WDR97: variants seen among roughly 807,000 people sequenced by gnomAD.
WDR97 encodes WD repeat domain 97, also known as WD repeat-containing protein 97.
Under a neutral mutation model 65.4 loss-of-function variants are expected in WDR97, and 111 were observed. That is an observed-to-expected ratio of 1.70 (90% confidence interval 1.45 to 1.99). WDR97 has a LOEUF of 1.99. Among genes scored for constraint, WDR97 ranks in the 30% most tolerant of loss-of-function variants. The pLI, the probability that WDR97 is intolerant of heterozygous loss-of-function variation, is 0.00. For missense variants in WDR97, 1,674 were observed against 865.0 expected (o/e 1.94, Z -11.73); for synonymous variants, 802 against 397.7 (o/e 2.02, Z -12.10).
chr8:144,114,124 A>G lies in WDR97; in HGVS notation c.3556A>G (p.Thr1186Ala), dbSNP rs1390164612. Residue 1186 changes from threonine (T) to alanine (A), a missense_variant, in exon 18 of 24, where the codon ACC becomes GCC. Physicochemically the swap from Thr to Ala is moderately conservative, Grantham distance 58 (BLOSUM62 0). Coordinates refer to ENST00000323662, the MANE Select transcript of WDR97 (RefSeq NM_001316309.2). ...PKFLHFFIYQ[T>A]WFKKLFPIFS... Reference sequence around the variant, plus strand: ...GTTTCTGCATTTCTTCATCTACCAGACCTGGTTCAAAAAGTTGTTCCCCAT... The same window carrying G: ...GTTTCTGCATTTCTTCATCTACCAGGCCTGGTTCAAAAAGTTGTTCCCCAT... 3 of 702,678 alleles carry G rather than the reference A, an allele frequency of 4.3e-6. No homozygotes were observed. The highest frequency in any genetic ancestry group is 7.8e-6 in the Non-Finnish European group (3 of 384,984). The allele number at this position is 702,678 out of a possible 1,614,324, so 43.5% of individuals were successfully genotyped here.
rs758168843 is a variant in WDR97 at position 144,109,350 on chromosome 8, T to A, written c.1016T>A (p.Met339Lys). 3 of 702,588 alleles carry A rather than the reference T, an allele frequency of 4.3e-6. No individual in the cohort carries two copies. Among genetic ancestry groups the A allele is most frequent in the Non-Finnish European group, 5.2e-6 (2 of 384,856 alleles). The allele number at this position is 702,588 out of a possible 1,614,324, so 43.5% of individuals were successfully genotyped here. ...FVGHTGPVTA[M>K]TVLPNTTLVL... ...CCTCCCACAGGCCCGGTGACGGCTA[T>A]GACTGTGCTCCCGAACACGACCCTG... Residue 339 changes from methionine (M) to lysine (K), a missense_variant, in exon 5 of 24, where the codon ATG becomes AAG. Coordinates refer to ENST00000323662, the MANE Select transcript of WDR97 (RefSeq NM_001316309.2).
At chr8:144,113,213 C>G (rs958478603) in intron 15 of WDR97, 4 of 568,240 alleles carry the variant, frequency 7.0e-6, no homozygotes, top group Non-Finnish European at 1.2e-5. Flanking sequence ...TTTCCCTTCT[C>G]GTTTGTCAGA....
intron 15 of WDR97, 47 bp from the exon 16 acceptor site, chr8:144,113,393 G>T (rs759531588): frequency 1.8e-6 from 1 of 559,550 alleles, no homozygotes; most frequent in Non-Finnish European, 3.2e-6. Context: ...TGGTGTCCAG[G>T]CTGGGGAATC....
rs2130082168 is a variant in WDR97 at position 144,111,968 on chromosome 8, G to A, written c.2719G>A (p.Val907Ile). ...VERETRDVCA[V>I]PQAAHCLARA... ...GAGAGAGACCCGGGATGTGTGTGCT[G>A]TACCCCAAGCTGCCCACTGTCTTGC... Residue 907 changes from valine to isoleucine, a missense_variant, in exon 13 of 24, where the codon GTA becomes ATA. Coordinates refer to ENST00000323662, the MANE Select transcript of WDR97 (RefSeq NM_001316309.2). 1.4e-6 allele frequency: 1 copy of A among 702,544 alleles called. No individual in the cohort carries two copies. The highest frequency in any genetic ancestry group is 1.7e-5 in the African/African-American group (1 of 57,328). 43.5% of individuals were successfully genotyped at this position (702,544 alleles called of 1,614,324 possible).
chr8:144,111,742 T>A lies in WDR97; in HGVS notation c.2598T>A (p.Phe866Leu), dbSNP rs1294196680. The A allele has an allele frequency of 1.4e-6, 1 of 692,898 alleles. No homozygotes were observed. 42.9% of individuals were successfully genotyped at this position (692,898 alleles called of 1,614,324 possible). A position where few individuals can be genotyped will look rare whatever the true frequency, so the allele number is the denominator to read the frequency against. The change falls in exon 12 of 24, where the codon TTT (phenylalanine) becomes TTA (leucine). Residue 866 changes from phenylalanine (F) to leucine (L), a missense_variant. Physicochemically the swap from Phe to Leu is conservative, Grantham distance 22 (BLOSUM62 0). Coordinates refer to ENST00000323662, the MANE Select transcript of WDR97 (RefSeq NM_001316309.2). ...CCTGGCAGCAGCGCCAGGAAGGCTT[T>A]GACAATTACCTCCGTCTGATCTACG... is the stretch of plus-strand genomic sequence containing the variant. ...PPSWQQRQEG[F>L]DNYLRLIYGS...
Position 144,108,913 on chromosome 8 carries a change from C to T in WDR97, c.847C>T (p.Leu283Phe). The T allele has an allele frequency of 1.4e-6, 1 of 702,970 alleles. No individual in the cohort carries two copies. Among genetic ancestry groups the T allele is most frequent in the Non-Finnish European group, 2.6e-6 (1 of 384,992 alleles). The allele number at this position is 702,970 out of a possible 1,614,324, so 43.5% of individuals were successfully genotyped here. A position where few individuals can be genotyped will look rare whatever the true frequency, so the allele number is the denominator to read the frequency against. Residue 283 changes from leucine (L) to phenylalanine (F), a missense_variant, in exon 3 of 24, where the codon CTC (leucine) becomes TTC (phenylalanine). Transcript: ENST00000323662. ...CACCTTCGATCTGCATGCCTGGACTCTCGTAGATGTGCGCCGGGATTTGCA... is the reference window on the plus strand; with the variant it reads ...CACCTTCGATCTGCATGCCTGGACTTTCGTAGATGTGCGCCGGGATTTGCA... ...VLTFDLHAWT[L>F]VDVRRDLHKT...
At position 144,107,798 on chromosome 8, in the gene WDR97, C is replaced by T. The variant is rs1191339226; in HGVS notation, c.48C>T (p.Asp16=). ...CAGAAGGCTACAACCTAGTTCTGGA[C>T]TCGGACCTGTATGATGCGGATGGCT... ...WEAEGYNLVL[D]SDLYDADGYD... Residue 16 remains aspartate (D), a synonymous_variant, in exon 1 of 24, where the codon GAC becomes GAT. Coordinates refer to ENST00000323662, the MANE Select transcript of WDR97 (RefSeq NM_001316309.2). 1 of 702,868 alleles carries T rather than the reference C, an allele frequency of 1.4e-6. No individual in the cohort carries two copies. Among genetic ancestry groups the T allele is most frequent in the African/African-American group, 1.7e-5 (1 of 57,398 alleles). 43.5% of individuals were successfully genotyped at this position (702,868 alleles called of 1,614,324 possible).
rs780584603 is a variant in WDR97 at position 144,109,408 on chromosome 8, C to T, written c.1074C>T (p.Arg358=). ...VLSASQDGTL[R]TWDLQAAAQV... is the part of the protein sequence containing the mutation. ...CGGCCTCGCAGGACGGGACGCTACGCACCTGGGACCTGCAGGCGGCGGCGC... is the reference window on the plus strand; with the variant it reads ...CGGCCTCGCAGGACGGGACGCTACGTACCTGGGACCTGCAGGCGGCGGCGC... Residue 358 remains arginine, a synonymous_variant, in exon 5 of 24, where the codon CGC becomes CGT. Transcript: ENST00000323662. The T allele has an allele frequency of 1.7e-5, 12 of 702,500 alleles. 1 individual carries two copies. The South Asian group carries it at 1.8e-4, about 10-fold the overall frequency. The allele number at this position is 702,500 out of a possible 1,614,324, so 43.5% of individuals were successfully genotyped here.
rs1352448317 is a variant in WDR97 at position 144,115,833 on chromosome 8, G to A, written c.4570G>A (p.Val1524Met). The A allele has an allele frequency of 1.5e-6, 1 of 688,726 alleles. No homozygotes were observed. Among genetic ancestry groups the A allele is most frequent in the African/African-American group, 1.8e-5 (1 of 57,018 alleles). The allele number at this position is 688,726 out of a possible 1,614,324, so 42.7% of individuals were successfully genotyped here. A position where few individuals can be genotyped will look rare whatever the true frequency, so the allele number is the denominator to read the frequency against. ...CACGGTGGCGCCGGTGCCCGACATG[G>A]TGGTGCCACCTCCGCGGGAGCACTG... The part of the protein sequence containing the change: ...PYTVAPVPDM[V>M]VPPPREHWYH... The change falls in exon 22 of 24, where the codon GTG (valine) becomes ATG (methionine). Residue 1524 changes from valine to methionine, a missense_variant. Physicochemically the swap from Val to Met is conservative, Grantham distance 21. Coordinates refer to ENST00000323662, the MANE Select transcript of WDR97 (RefSeq NM_001316309.2).
In WDR97 at chr8:144,114,715, A is replaced by G. The variant is rs971365851; in HGVS notation, c.3915-34A>G. ...TGCCCAGCCCTCCCTGCCACTGGGA[A>G]GGCCTCTGGACAAGCCACATGCACC... On this transcript the variant is annotated intron_variant, in intron 20 of 23. Transcript: ENST00000323662. 6 of 702,340 alleles carry G rather than the reference A, an allele frequency of 8.5e-6. No homozygotes were observed. In the African/African-American group the frequency reaches 1.0e-4, roughly 12 times the overall value. The allele number at this position is 702,340 out of a possible 1,614,324, so 43.5% of individuals were successfully genotyped here.
rs540894483 is a variant in WDR97 at position 144,117,222 on chromosome 8, G to A, written c.*929G>A. The A allele has an allele frequency of 1.3e-5, 2 of 152,416 alleles. No individual in the cohort carries two copies. Among genetic ancestry groups the A allele is most frequent in the Admixed American group, 6.5e-5 (1 of 15,298 alleles). The allele number at this position is 152,416 out of a possible 1,614,324, so 9.4% of individuals were successfully genotyped here. ...AGAGCATGGGTGCGCAGGACCGTGC[G>A]GGACAGCCAAGTTGCTGGGCCCAGC... On this transcript the variant is annotated 3_prime_UTR_variant, in exon 24 of 24. Transcript: ENST00000323662.
In WDR97 at chr8:144,109,185, C is replaced by T. The variant is rs1444251616; in HGVS notation, c.1000+15C>T. On this transcript the variant is annotated intron_variant, in intron 4 of 23. Coordinates refer to ENST00000323662, the MANE Select transcript of WDR97 (RefSeq NM_001316309.2). ...GGGCCACACAGGTGCTCTGAGTTCT[C>T]TGCACCCCGAGCCTCGGCCCTTTGC... The T allele has an allele frequency of 1.4e-6, 1 of 702,896 alleles. No homozygotes were observed. Among genetic ancestry groups the T allele is most frequent in the South Asian group, 1.5e-5 (1 of 67,598 alleles). The allele number at this position is 702,896 out of a possible 1,614,324, so 43.5% of individuals were successfully genotyped here.
Position 144,108,043 on chromosome 8 carries a change from C to T in WDR97, c.113-16C>T, listed in dbSNP as rs1230866510. The T allele has an allele frequency of 5.7e-6, 4 of 702,742 alleles. No individual in the cohort carries two copies. The South Asian group carries it at 5.9e-5, about 10-fold the overall frequency. The allele number at this position is 702,742 out of a possible 1,614,324, so 43.5% of individuals were successfully genotyped here. ...CTGAGGCTGTAGGTGGCAGAACTTC[C>T]AGTTCCTGCCCGCAGAGTTGACTTT... On this transcript the variant is annotated splice_polypyrimidine_tract_variant and intron_variant, in intron 1 of 23. Transcript: ENST00000323662.
chr8:144,108,916 G>C lies in WDR97; in HGVS notation c.850G>C (p.Val284Leu). The change falls in exon 3 of 24, where the codon GTA becomes CTA. Residue 284 changes from valine (V) to leucine (L), a missense_variant. Transcript: ENST00000323662. Reference protein sequence around the residue: ...LTFDLHAWTLVDVRRDLHKTT... With the variant: ...LTFDLHAWTLLDVRRDLHKTT... Reference sequence around the variant, plus strand: ...CTTCGATCTGCATGCCTGGACTCTCGTAGATGTGCGCCGGGATTTGCACAA... The same window carrying C: ...CTTCGATCTGCATGCCTGGACTCTCCTAGATGTGCGCCGGGATTTGCACAA... The C allele has an allele frequency of 1.4e-6, 1 of 702,962 alleles. No homozygotes were observed. The highest frequency in any genetic ancestry group is 1.5e-5 in the South Asian group (1 of 67,606). 43.5% of individuals were successfully genotyped at this position (702,962 alleles called of 1,614,324 possible).
intron 15 of WDR97, chr8:144,113,179 C>T: frequency 1.8e-6 from 1 of 547,458 alleles, no homozygotes; most frequent in Non-Finnish European, 3.2e-6. Context: ...TGTCAGGGCC[C>T]CTAGAAGCCA....
At position 144,107,739 on chromosome 8, in the gene WDR97, G is replaced by A. The variant is rs1228133934; in HGVS notation, c.-12G>A. On this transcript the variant is annotated 5_prime_UTR_variant, in exon 1 of 24. Transcript: ENST00000323662. ...CTGGGAGCTGTTGGGCTCTGGGACC[G>A]CAGTTGCTGAAATGGAGGCAGAGGT... 2.8e-6 allele frequency: 2 copies of A among 702,754 alleles called. No homozygotes were observed. Among genetic ancestry groups the A allele is most frequent in the African/African-American group, 1.7e-5 (1 of 57,384 alleles). The allele number at this position is 702,754 out of a possible 1,614,324, so 43.5% of individuals were successfully genotyped here.
Position 144,111,671 on chromosome 8 carries a change from C to T in WDR97, c.2527C>T (p.Gln843Ter). 1 of 698,776 alleles carries T rather than the reference C, an allele frequency of 1.4e-6. No homozygotes were observed. Among genetic ancestry groups the T allele is most frequent in the South Asian group, 1.5e-5 (1 of 67,292 alleles). The allele number at this position is 698,776 out of a possible 1,614,324, so 43.3% of individuals were successfully genotyped here. Residue 843 changes from glutamine (Q) to a stop codon, truncating the protein, a stop_gained, in exon 12 of 24, where the codon CAG becomes TAG. Transcript: ENST00000323662. LOFTEE classifies it high-confidence loss of function. ...AIVARDRDLQ[Q>*]LRLGLVVPAA... ...AGTGGCCCGGGACCGAGACCTTCAGCAGTTGAGGCTGGGGCTAGTGGTCCC... is the reference window on the plus strand; with the variant it reads ...AGTGGCCCGGGACCGAGACCTTCAGTAGTTGAGGCTGGGGCTAGTGGTCCC...
chr8:144,111,645 T>C lies in WDR97; in HGVS notation c.2501T>C (p.Ile834Thr), dbSNP rs573911689. Residue 834 changes from isoleucine (I) to threonine (T), a missense_variant, in exon 12 of 24, where the codon ATA (isoleucine) becomes ACA (threonine). By Grantham distance (89) the Ile-to-Thr change is moderately conservative. Coordinates refer to ENST00000323662, the MANE Select transcript of WDR97 (RefSeq NM_001316309.2). ...HLVPKEDLDA[I>T]VARDRDLQQL... ...ACCCTGACTCAGGACTTGGACGCCA[T>C]AGTGGCCCGGGACCGAGACCTTCAG... 3 of 692,300 alleles carry C rather than the reference T, an allele frequency of 4.3e-6. No homozygotes were observed. Among genetic ancestry groups the C allele is most frequent in the Admixed American group, 4.1e-5 (2 of 48,888 alleles). 42.9% of individuals were successfully genotyped at this position (692,300 alleles called of 1,614,324 possible). A position where few individuals can be genotyped will look rare whatever the true frequency, so the allele number is the denominator to read the frequency against.
In WDR97 at chr8:144,118,133, A is replaced by C. The variant is rs1173959835; in HGVS notation, c.*1840A>C. On this transcript the variant is annotated 3_prime_UTR_variant, in exon 24 of 24. Transcript: ENST00000323662. ...TATCATAATATCACACCCACACATC[A>C]GGCAAGAGACTTGTTCCTTAAAAAT... is the stretch of plus-strand genomic sequence containing the variant. 1 of 152,186 alleles carries C rather than the reference A, an allele frequency of 6.6e-6. No individual in the cohort carries two copies. Among genetic ancestry groups the C allele is most frequent in the African/African-American group, 2.4e-5 (1 of 41,444 alleles). The allele number at this position is 152,186 out of a possible 1,614,324, so 9.4% of individuals were successfully genotyped here. A position where few individuals can be genotyped will look rare whatever the true frequency, so the allele number is the denominator to read the frequency against.
Sources: gnomAD v4.1 joint callset for allele counts on GRCh38, gnomAD v4.1.1 for gene constraint, MANE v1.5 for transcripts, NCBI Gene and HGNC (gene_info 2026-07-23, HGNC 2026-07-21) for gene names.